MAPK10: variants seen among roughly 807,000 people sequenced by gnomAD.
MAPK10 encodes the protein mitogen-activated protein kinase 10, also known as JNK3 alpha protein kinase.
A neutral mutation model predicts 59.3 loss-of-function variants in MAPK10; 25 were observed. The ratio of observed to expected loss-of-function variants is 0.42; its 90% CI spans 0.31 to 0.59. MAPK10 has a LOEUF of 0.59. Ranked by LOEUF, MAPK10 falls within the 20% of genes least tolerant of loss-of-function variation. MAPK10 has a pLI of 0.15. For synonymous variants in MAPK10, 190 were observed against 200.5 expected, an observed-to-expected ratio of 0.95 and a Z score of 0.44; for missense variants, 351 against 568.9, an observed-to-expected ratio of 0.62 and a Z score of 3.90.
intron 2 of MAPK10, among the ~76,000 whole-genome samples, chr4:86,261,745 G>C (rs924180362): frequency 6.6e-6 from 1 of 152,218 alleles, no homozygotes; most frequent in Non-Finnish European, 1.5e-5. Context: ...CCTGCCTATG[G>C]AGTTGTTACA....
At chr4:86,170,104 T>C (rs1453829361) in intron 3 of MAPK10, among the ~76,000 whole-genome samples, 1 of 151,296 alleles carries the variant, frequency 6.6e-6, no homozygotes, top group African/African-American at 2.4e-5. Flanking sequence ...CGCTGCAAAA[T>C]CATGCCAAAA....
At chr4:86,473,077 G>A (rs1752785973) in intron 1 of MAPK10, among the ~76,000 whole-genome samples, 1 of 152,036 alleles carries the variant, frequency 6.6e-6, no homozygotes, top group South Asian at 2.1e-4. Flanking sequence ...GTTAACAGGG[G>A]GAGAAAATAT....
chr4:86,139,118 T>C (rs1182066078), intron 4 of MAPK10, among the ~76,000 whole-genome samples: 4 of 142,678 alleles, frequency 2.8e-5, no homozygotes, highest in African/African-American at 1.0e-4. Context: ...CAAGGTAATT[T>C]ACAGATTCAA....
intron 3 of MAPK10, among the ~76,000 whole-genome samples, chr4:86,168,640 G>C (rs2072834736): frequency 1.3e-5 from 2 of 152,180 alleles, no homozygotes; most frequent in African/African-American, 2.4e-5. Flanking sequence ...GCAGGGCACA[G>C]ACAAACAAAA....
At chr4:86,357,128 G>C (rs1014763240) in intron 1 of MAPK10, 4 of 152,184 alleles carry the variant, frequency 2.6e-5, no homozygotes, top group African/African-American at 7.2e-5. Context: ...TCTAATTGAA[G>C]GAAGTCTCTC....
intron 1 of MAPK10, among the ~76,000 whole-genome samples, chr4:86,486,108 A>T (rs532134774): frequency 6.6e-6 from 1 of 152,298 alleles, no homozygotes; most frequent in South Asian, 2.1e-4. Context: ...CACAGTCACA[A>T]ATTAACTGTA....
chr4:86,246,033 A>T (rs1288065313), intron 2 of MAPK10, among the ~76,000 whole-genome samples: 2 of 152,222 alleles, frequency 1.3e-5, no homozygotes, highest in African/African-American at 4.8e-5. Context: ...AGTTAATCAC[A>T]TGTTTTTCTA....
At chr4:86,427,464 A>C (rs1747451869) in intron 1 of MAPK10, among the ~76,000 whole-genome samples, 1 of 152,052 alleles carries the variant, frequency 6.6e-6, no homozygotes, top group African/African-American at 2.4e-5. Flanking sequence ...AATCAAAAGG[A>C]TGCGTTTCTT....
rs552262443 is a variant in MAPK10 at position 86,460,153 on chromosome 4, T to C, written c.-262-105509A>G. ...GTTTCAGCAACTGGGCAGACTGAGA[T>C]GTTCAGACTCCCCTCAATTAGCAAC... is the stretch of plus-strand genomic sequence containing the variant. On this transcript the variant is annotated intron_variant, in intron 1 of 4. Transcript: ENST00000502302. Among the ~76,000 whole-genome samples, 4 of 152,342 alleles carry C rather than the reference T, an allele frequency of 2.6e-5. No individual in the cohort carries two copies. In the South Asian group the frequency reaches 8.3e-4, roughly 32 times the overall value.
intron 2 of MAPK10, among the ~76,000 whole-genome samples, chr4:86,210,279 A>G (rs114317910): frequency 0.085 from 12,887 of 152,024 alleles, 1,209 homozygotes; most frequent in African/African-American, 0.23. Flanking sequence ...GACAAATAGG[A>G]TAACAAGTTA....
chr4:86,422,338 T>C (rs1489675704), intron 1 of MAPK10, among the ~76,000 whole-genome samples: 1 of 152,198 alleles, frequency 6.6e-6, no homozygotes, highest in African/African-American at 2.4e-5. Context: ...TTAAGAGTAC[T>C]TGCATTTTTA....
chr4:86,089,438 G>A, intron 9 of MAPK10: 1 of 565,120 alleles, frequency 1.8e-6, no homozygotes, highest in South Asian at 2.6e-5. Context: ...TGGTGGAAAG[G>A]GGAGAACATA....
intron 1 of MAPK10, among the ~76,000 whole-genome samples, chr4:86,485,413 T>C (rs7673698): frequency 0.32 from 48,327 of 152,046 alleles, 7,973 homozygotes; most frequent in Admixed American, 0.37. Flanking sequence ...CTTTTTCAGT[T>C]TTCCTCCTCA....
chr4:86,140,184 T>C (rs2063304139), intron 4 of MAPK10, among the ~76,000 whole-genome samples: 1 of 140,700 alleles, frequency 7.1e-6, no homozygotes, highest in South Asian at 2.2e-4. Flanking sequence ...CATTACTGGG[T>C]ATATGCCCAA....
intron 4 of MAPK10, among the ~76,000 whole-genome samples, chr4:86,157,449 G>GTTTGTCTGTC (rs2068153997): frequency 6.6e-6 from 1 of 151,912 alleles, no homozygotes; most frequent in Admixed American, 6.6e-5. Context: ...ATATGTTTCA[G>GTTTGTCTGTC]TTTGTCTGTC....
intron 11 of MAPK10, among the ~76,000 whole-genome samples, chr4:86,062,511 A>G (rs140876115): frequency 4.3e-4 from 66 of 152,322 alleles, no homozygotes; most frequent in African/African-American, 1.5e-3. Context: ...CATAATTAAA[A>G]GTGAATTACA....
intron 3 of MAPK10, among the ~76,000 whole-genome samples, chr4:86,173,117 C>T (rs1308283491): frequency 1.3e-5 from 2 of 150,956 alleles, no homozygotes; most frequent in African/African-American, 4.9e-5. Context: ...GAAAAAAAAA[C>T]TAGTTTAAAA....
intron 1 of MAPK10, among the ~76,000 whole-genome samples, chr4:86,476,791 C>T (rs995876199): frequency 2.0e-5 from 3 of 152,192 alleles, no homozygotes; most frequent in Admixed American, 6.5e-5. Flanking sequence ...CACCAGCATA[C>T]AAGAACTCCA....
intron 2 of MAPK10, among the ~76,000 whole-genome samples, chr4:86,323,142 C>G (rs2095940270): frequency 6.6e-6 from 1 of 152,158 alleles, no homozygotes; most frequent in African/African-American, 2.4e-5. Context: ...CCACTGTGCT[C>G]CAGCCTGGGT....
Sources: gnomAD v4.1 joint callset for allele counts (sites outside exome capture counted in the v4.1 genomes callset) on GRCh38, gnomAD v4.1.1 for gene constraint, MANE v1.5 for transcripts, NCBI Gene and HGNC (gene_info 2026-07-23, HGNC 2026-07-21) for gene names.